The following CHRM3 variants were observed in gnomAD, a reference collection of about 807,000 sequenced individuals.
The protein encoded by CHRM3 is cholinergic receptor muscarinic 3.
In CHRM3, 11 loss-of-function variants were observed where a neutral mutation model predicts 41.8. The ratio of observed to expected loss-of-function variants is 0.26; its 90% CI spans 0.17 to 0.44. The LOEUF is 0.44. CHRM3 is among the 20% of genes least tolerant of loss of function. The pLI is 1.00. For missense variants in CHRM3, 571 were observed against 745.4 expected, an observed-to-expected ratio of 0.77 and a Z score of 2.72; for synonymous variants, 297 against 301.4, an observed-to-expected ratio of 0.99 and a Z score of 0.15.
chr1:239,734,461 C>G (rs538589628), intron 5 of CHRM3, among the ~76,000 whole-genome samples: 24 of 152,126 alleles, frequency 1.6e-4, no homozygotes, highest in African/African-American at 5.5e-4. Flanking sequence ...AAATTGGTAA[C>G]TTTTACAGAA....
intron 1 of CHRM3, among the ~76,000 whole-genome samples, chr1:239,457,855 A>G (rs1665066556): frequency 6.6e-6 from 1 of 152,244 alleles, no homozygotes; most frequent in African/African-American, 2.4e-5. Context: ...AACTAATTTA[A>G]AGGATGGACT....
At chr1:239,526,936 T>C (rs1408645898) in intron 2 of CHRM3, among the ~76,000 whole-genome samples, 5 of 152,016 alleles carry the variant, frequency 3.3e-5, no homozygotes, top group Admixed American at 2.6e-4. Flanking sequence ...GTCTGAGCAA[T>C]ATAGGGAGAC....
chr1:239,413,399 C>T (rs1017535509), intron 1 of CHRM3, among the ~76,000 whole-genome samples: 2 of 152,122 alleles, frequency 1.3e-5, no homozygotes, highest in Non-Finnish European at 2.9e-5. Context: ...ATGAGATTCT[C>T]CTGCCTCAGC....
chr1:239,820,803 A>G (rs1029662168), intron 5 of CHRM3, among the ~76,000 whole-genome samples: 4 of 152,198 alleles, frequency 2.6e-5, no homozygotes, highest in Non-Finnish European at 5.9e-5. Context: ...AGTACTATCC[A>G]GAAAGGAACC....
intron 5 of CHRM3, among the ~76,000 whole-genome samples, chr1:239,788,542 GA>G: frequency 6.6e-6 from 1 of 152,092 alleles, no homozygotes; most frequent in East Asian, 1.9e-4. Flanking sequence ...GAGGCAGGTG[GA>G]TTCCTTGAGG....
chr1:239,422,526 T>A (rs1465872960), intron 1 of CHRM3, among the ~76,000 whole-genome samples: 1 of 152,150 alleles, frequency 6.6e-6, no homozygotes, highest in African/African-American at 2.4e-5. Context: ...CCAAGCGCGG[T>A]GGCTCATGCC....
chr1:239,605,868 A>G (rs1054953343), intron 3 of CHRM3: 10 of 152,216 alleles, frequency 6.6e-5, no homozygotes, highest in Admixed American at 2.6e-4. Flanking sequence ...TATCAATGGT[A>G]ATAAACATCA....
At position 239,387,468 on chromosome 1, in the gene CHRM3, T is replaced by C. The variant is rs1479820427; in HGVS notation, c.-521+241T>C. Among the ~76,000 whole-genome samples the C allele has an allele frequency of 6.6e-6, 1 of 151,768 alleles. No individual in the cohort carries two copies. Among genetic ancestry groups the C allele is most frequent in the Admixed American group, 6.6e-5 (1 of 15,224 alleles). ...TGGTGCGGAGTTGGAGTTCTGGGAC[T>C]GAGGGTGGGGAACGCCCGCTGGCAC... On this transcript the variant is annotated intron_variant, in intron 1 of 6. Transcript: ENST00000676153. The surrounding 1 kb of genome is among the most constrained non-coding windows in gnomAD (Gnocchi z 5.1).
chr1:239,407,750 A>C (rs1459429349), intron 1 of CHRM3, among the ~76,000 whole-genome samples: 3 of 152,130 alleles, frequency 2.0e-5, no homozygotes, highest in African/African-American at 7.2e-5. Flanking sequence ...TTATTTTTCT[A>C]TTAGAAGTAG....
At chr1:239,453,840 G>T (rs1664736692) in intron 1 of CHRM3, among the ~76,000 whole-genome samples, 1 of 152,116 alleles carries the variant, frequency 6.6e-6, no homozygotes, top group African/African-American at 2.4e-5. Context: ...AGTGAGAGTA[G>T]GTGGGGAAGG....
chr1:239,660,461 A>G (rs1673088619), intron 4 of CHRM3, among the ~76,000 whole-genome samples: 1 of 152,204 alleles, frequency 6.6e-6, no homozygotes, highest in Non-Finnish European at 1.5e-5. Flanking sequence ...ACAAGCTTCC[A>G]CAGACCGTAT....
intron 5 of CHRM3, among the ~76,000 whole-genome samples, chr1:239,750,964 A>G (rs1665769914): frequency 6.6e-6 from 1 of 152,170 alleles, no homozygotes; most frequent in African/African-American, 2.4e-5. Flanking sequence ...GAGGTGGCTC[A>G]TGCCTGTAAT....
chr1:239,864,953 GACA>G (rs750636205), intron 6 of CHRM3, among the ~76,000 whole-genome samples: 1 of 152,136 alleles, frequency 6.6e-6, no homozygotes, highest in Non-Finnish European at 1.5e-5. Context: ...TGGAGAAGGT[GACA>G]ACATCTATCA....
chr1:239,765,581 T>C (rs775956031), intron 5 of CHRM3, among the ~76,000 whole-genome samples: 3 of 152,148 alleles, frequency 2.0e-5, no homozygotes, highest in African/African-American at 4.8e-5. Context: ...TGGTTTCAGA[T>C]TGGTATTAAA....
At chr1:239,509,842 C>G (rs541026901) in intron 2 of CHRM3, among the ~76,000 whole-genome samples, 7 of 152,300 alleles carry the variant, frequency 4.6e-5, no homozygotes, top group African/African-American at 1.7e-4. Context: ...AATCCCAGCA[C>G]TTTGGGAGGC....
intron 4 of CHRM3, among the ~76,000 whole-genome samples, chr1:239,662,485 A>C (rs1673301987): frequency 6.6e-6 from 1 of 152,172 alleles, no homozygotes; most frequent in Non-Finnish European, 1.5e-5. Context: ...ACCCTATTCA[A>C]ATTTTGATAA....
At chr1:239,667,730 T>C (rs1489020251) in intron 4 of CHRM3, among the ~76,000 whole-genome samples, 1 of 152,108 alleles carries the variant, frequency 6.6e-6, no homozygotes, top group African/African-American at 2.4e-5. Flanking sequence ...TTTCGGATGT[T>C]TTTCTGTGTG....
chr1:239,830,573 G>A (rs543654157), intron 6 of CHRM3, among the ~76,000 whole-genome samples: 180 of 152,214 alleles, frequency 1.2e-3, no homozygotes, highest in African/African-American at 3.3e-3. Context: ...GTGTGGTGGC[G>A]CGTGCCTGTA....
intron 6 of CHRM3, among the ~76,000 whole-genome samples, chr1:239,844,925 T>C (rs1332893025): frequency 1.3e-5 from 2 of 152,282 alleles, no homozygotes; most frequent in African/African-American, 4.8e-5. Context: ...ACTTTGTACA[T>C]GGAATGCAGT....
Sources: allele counts gnomAD v4.1 joint callset (sites outside exome capture counted in the v4.1 genomes callset), GRCh38; gene constraint gnomAD v4.1.1; non-coding constraint Gnocchi (gnomAD v3.1); transcripts MANE v1.5; gene names NCBI Gene and HGNC (gene_info 2026-07-23, HGNC 2026-07-21).